CREG1: variants seen among roughly 807,000 people sequenced by gnomAD.
CREG1 encodes cellular repressor of E1A stimulated genes 1, also known as protein CREG1.
In CREG1, 20 loss-of-function variants were observed where a neutral mutation model predicts 19.9. The observed-to-expected ratio is 1.01, with a 90% CI of 0.71 to 1.46. CREG1 has a LOEUF of 1.46. Among genes scored for constraint, CREG1 ranks in the 40% most tolerant of loss-of-function variants. CREG1 has a pLI of 0.00. For synonymous variants in CREG1, 141 were observed against 143.3 expected (o/e 0.98, Z 0.12); for missense variants, 290 against 314.9 (o/e 0.92, Z 0.60).
chr1:167,549,809 T>C (rs1490806424), intron 1 of CREG1, among the ~76,000 whole-genome samples: 1 of 152,076 alleles, frequency 6.6e-6, no homozygotes, highest in African/African-American at 2.4e-5. Context: ...CTCATCCTCC[T>C]GAGTAGCTGG....
At chr1:167,546,331 T>C in intron 2 of CREG1, 46 bp from the exon 3 acceptor site, 1 of 1,282,866 alleles carries the variant, frequency 7.8e-7, no homozygotes, top group Non-Finnish European at 1.1e-6. Context: ...AGTAACACTT[T>C]ATCTTCTCAT....
intron 3 of CREG1, 151 bp from the exon 4 acceptor site, chr1:167,542,452 T>C (rs1656242356): frequency 4.2e-6 from 3 of 714,858 alleles, no homozygotes; most frequent in African/African-American, 1.8e-5. Flanking sequence ...AAATAACCAC[T>C]TGGGTTTGTT....
Position 167,541,999 on chromosome 1 carries a change from C to A in CREG1, c.*299G>T. 1 of 284,164 alleles carries A rather than the reference C, an allele frequency of 3.5e-6. No individual in the cohort carries two copies. Among genetic ancestry groups the A allele is most frequent in the South Asian group, 7.8e-5 (1 of 12,742 alleles). 17.6% of individuals were successfully genotyped at this position (284,164 alleles called of 1,614,324 possible). A position where few individuals can be genotyped will look rare whatever the true frequency, so the allele number is the denominator to read the frequency against. ...GGTACTCATTCCTCTTCAAGAGCAC[C>A]ACTGGAAACATCTTTGGAATTGATG... On this transcript the variant is annotated 3_prime_UTR_variant, in exon 4 of 4. Transcript: ENST00000370509.
chr1:167,551,647 T>C (rs964576121), intron 1 of CREG1, among the ~76,000 whole-genome samples: 2 of 152,042 alleles, frequency 1.3e-5, no homozygotes, highest in East Asian at 3.9e-4. Context: ...ATCTCCCTCC[T>C]CCCCCATTAG....
At chr1:167,550,941 G>C (rs1461625299) in intron 1 of CREG1, among the ~76,000 whole-genome samples, 1 of 152,086 alleles carries the variant, frequency 6.6e-6, no homozygotes, top group Non-Finnish European at 1.5e-5. Flanking sequence ...AGAGTGACCA[G>C]AACAGAAAGG....
Position 167,553,372 on chromosome 1 carries a change from G to A in CREG1, c.354+16C>T. 7.4e-7 allele frequency: 1 copy of A among 1,359,984 alleles called. No homozygotes were observed. The highest frequency in any genetic ancestry group is 9.5e-7 in the Non-Finnish European group (1 of 1,056,816). The allele number at this position is 1,359,984 out of a possible 1,614,324, so 84.2% of individuals were successfully genotyped here. A position where few individuals can be genotyped will look rare whatever the true frequency, so the allele number is the denominator to read the frequency against. ...CGCCCACAGCCCGCCTGGGGAAGCC[G>A]CGGGCCCCAGCTCACCTGCAGGTTG... On this transcript the variant is annotated intron_variant, in intron 1 of 3. Transcript: ENST00000370509.
At chr1:167,552,796 C>T (rs1177944671) in intron 1 of CREG1, among the ~76,000 whole-genome samples, 1 of 152,110 alleles carries the variant, frequency 6.6e-6, no homozygotes, top group African/African-American at 2.4e-5. Context: ...CCTGTAATCC[C>T]AGCACTTTGG....
At position 167,541,383 on chromosome 1, in the gene CREG1, C is replaced by G. The variant is rs888330484; in HGVS notation, c.*915G>C. 5.3e-5 allele frequency: 8 copies of G among 152,164 alleles called. No homozygotes were observed. Among genetic ancestry groups the G allele is most frequent in the Admixed American group, 4.6e-4 (7 of 15,282 alleles). 9.4% of individuals were successfully genotyped at this position (152,164 alleles called of 1,614,324 possible). A position where few individuals can be genotyped will look rare whatever the true frequency, so the allele number is the denominator to read the frequency against. ...AAGAGATTTGGGGCAGTTGAGGAAG[C>G]CTTAGGTAATTGTTAAGAGTAGAAG... On this transcript the variant is annotated 3_prime_UTR_variant, in exon 4 of 4. Coordinates refer to ENST00000370509, the MANE Select transcript of CREG1 (RefSeq NM_003851.3).
At chr1:167,544,990 C>T (rs1656292656) in intron 3 of CREG1, among the ~76,000 whole-genome samples, 1 of 152,196 alleles carries the variant, frequency 6.6e-6, no homozygotes, top group Non-Finnish European at 1.5e-5. Flanking sequence ...TCCAGTTACA[C>T]TCTTCTTTCC....
chr1:167,546,479 TA>T (rs879716140), intron 2 of CREG1, among the ~76,000 whole-genome samples, 194 bp from the exon 3 acceptor site: 378 of 142,266 alleles, frequency 2.7e-3, no homozygotes, highest in Admixed American at 3.1e-3. Context: ...CCATCTCTAC[TA>T]AAAAAAAAAA....
intron 1 of CREG1, among the ~76,000 whole-genome samples, chr1:167,551,902 G>C (rs561699256): frequency 6.6e-6 from 1 of 152,180 alleles, no homozygotes; most frequent in Non-Finnish European, 1.5e-5. Context: ...CTAAAAGAGG[G>C]CACTGCTTCT....
At chr1:167,547,924 A>C (rs1656356618) in intron 2 of CREG1, 78 bp downstream of exon 2, 1 of 1,503,402 alleles carries the variant, frequency 6.7e-7, no homozygotes, top group Admixed American at 1.8e-5. Flanking sequence ...CTGTCTCAAA[A>C]GAAAAATGAT....
At chr1:167,546,653 A>G (rs536413941) in intron 2 of CREG1, among the ~76,000 whole-genome samples, 80 of 152,316 alleles carry the variant, frequency 5.3e-4, no homozygotes, top group African/African-American at 1.9e-3. Flanking sequence ...AAAAAAAAAA[A>G]GAATGTGTGA....
At position 167,541,078 on chromosome 1, in the gene CREG1, T is replaced by C. The variant is rs899065192; in HGVS notation, c.*1220A>G. 1 of 152,226 alleles carries C rather than the reference T, an allele frequency of 6.6e-6. No individual in the cohort carries two copies. The highest frequency in any genetic ancestry group is 2.4e-5 in the African/African-American group (1 of 41,454). 9.4% of individuals were successfully genotyped at this position (152,226 alleles called of 1,614,324 possible). A position where few individuals can be genotyped will look rare whatever the true frequency, so the allele number is the denominator to read the frequency against. The stretch of plus-strand genomic sequence containing the variant: ...AAGAAGTCCATTTTACTAAATTTAG[T>C]ATAAATTATTTTTCTTAAACAGAAC... On this transcript the variant is annotated 3_prime_UTR_variant, in exon 4 of 4. Transcript: ENST00000370509.
At chr1:167,551,309 C>T (rs1243893919) in intron 1 of CREG1, among the ~76,000 whole-genome samples, 2 of 152,174 alleles carry the variant, frequency 1.3e-5, no homozygotes, top group African/African-American at 2.4e-5. Context: ...GCAGAGCACC[C>T]TGGAGGTCAG....
chr1:167,553,718 G>C lies in CREG1; in HGVS notation c.24C>G (p.Ser8=). The C allele has an allele frequency of 1.5e-6, 2 of 1,292,374 alleles. No individual in the cohort carries two copies. The highest frequency in any genetic ancestry group is 2.9e-4 in the Middle Eastern group (1 of 3,390). 80.1% of individuals were successfully genotyped at this position (1,292,374 alleles called of 1,614,324 possible). Reference sequence around the variant, plus strand: ...GCAGGGCGGCGAGCAGTGCGCGCGCGGACCCGCGGGATAGCCCGGCCATGG... The same window carrying C: ...GCAGGGCGGCGAGCAGTGCGCGCGCCGACCCGCGGGATAGCCCGGCCATGG... The part of the protein sequence containing the change: MAGLSRG[S]ARALLAALLA... The change falls in exon 1 of 4, where the codon TCC becomes TCG. Residue 8 remains serine, a synonymous_variant. Coordinates refer to ENST00000370509, the MANE Select transcript of CREG1 (RefSeq NM_003851.3).
At position 167,548,131 on chromosome 1, in the gene CREG1, G is replaced by A. The variant is rs142047332; in HGVS notation, c.355-10C>T. 322 of 1,578,476 alleles carry A rather than the reference G, an allele frequency of 2.0e-4. No homozygotes were observed. In the East Asian group the frequency reaches 7.1e-3, roughly 35 times the overall value. ...TAGCATATGGATTCTCCTATAGAGAGAAAATGAAGATCCTCTCATGTGAAA... is the reference window on the plus strand; with the variant it reads ...TAGCATATGGATTCTCCTATAGAGAAAAAATGAAGATCCTCTCATGTGAAA... On this transcript the variant is annotated splice_polypyrimidine_tract_variant and intron_variant, in intron 1 of 3. Coordinates refer to ENST00000370509, the MANE Select transcript of CREG1 (RefSeq NM_003851.3).
At chr1:167,548,645 G>A (rs1290999222) in intron 1 of CREG1, among the ~76,000 whole-genome samples, 1 of 152,220 alleles carries the variant, frequency 6.6e-6, no homozygotes, top group Non-Finnish European at 1.5e-5. Flanking sequence ...GTAACAATGA[G>A]TTTTATCCCA....
intron 1 of CREG1, 32 bp from the exon 2 acceptor site, chr1:167,548,153 G>C (rs1325238079): frequency 6.4e-7 from 1 of 1,564,728 alleles, no homozygotes. Context: ...CCTCTCATGT[G>C]AAATATGGTT....
Sources: gnomAD v4.1 joint callset for allele counts (sites outside exome capture counted in the v4.1 genomes callset) on GRCh38, gnomAD v4.1.1 for gene constraint, MANE v1.5 for transcripts, NCBI Gene and HGNC (gene_info 2026-07-23, HGNC 2026-07-21) for gene names.